The following GPM6B variants were observed in gnomAD, a reference collection of about 807,000 sequenced individuals.
GPM6B encodes glycoprotein M6B.
GPM6B carries 4 observed loss-of-function variants against 27.2 expected under a neutral mutation model. The ratio of observed to expected loss-of-function variants is 0.15; its 90% CI spans 0.07 to 0.34. The LOEUF is 0.34. GPM6B is among the 10% of genes least tolerant of loss of function. GPM6B has a pLI of 1.00. For missense variants in GPM6B, 183 were observed against 261.9 expected (o/e 0.70, Z 2.08); for synonymous variants, 124 against 103.1 (o/e 1.20, Z -1.23).
chrX:13,903,211 C>G (rs185891075), intron 1 of GPM6B, among the ~76,000 whole-genome samples: 1 of 111,641 alleles, frequency 9.0e-6, no homozygotes, highest in East Asian at 2.8e-4. Context: ...CTGTCTCCCA[C>G]GCAGGGTCTC....
rs1389729666 is a variant in GPM6B at position 13,805,614 on chromosome X, T to C, written c.181+2036A>G. Among the ~76,000 whole-genome samples, 4 of 112,513 alleles carry C rather than the reference T, an allele frequency of 3.6e-5. No homozygotes were observed. In the East Asian group the frequency reaches 1.1e-3, roughly 31 times the overall value. On this transcript the variant is annotated intron_variant, in intron 2 of 7. Coordinates refer to ENST00000316715, the MANE Select transcript of GPM6B (RefSeq NM_001001995.3). ...GCTGCTATGAATGCCCAGATTCTGGTGTTTCACCGTAGGATCAAAAGCACA... is the reference window on the plus strand; with the variant it reads ...GCTGCTATGAATGCCCAGATTCTGGCGTTTCACCGTAGGATCAAAAGCACA...
intron 1 of GPM6B, among the ~76,000 whole-genome samples, chrX:13,834,428 C>T (rs1243607717): frequency 8.9e-6 from 1 of 112,368 alleles, no homozygotes; most frequent in African/African-American, 3.2e-5. Context: ...GAGAAGACAA[C>T]ATAAATCTTT....
Position 13,885,584 on chromosome X carries a change from G to A in GPM6B, c.-198+52743C>T, listed in dbSNP as rs181069288. On this transcript the variant is annotated intron_variant, in intron 1 of 6. Transcript: ENST00000398361. The stretch of plus-strand genomic sequence containing the variant: ...TGCTACTTCTGGCCCCTCCTCCTCA[G>A]TGAAATCTTCAGAGGCTGGTGGAGG... Among the ~76,000 whole-genome samples, 123 of 112,094 alleles carry A rather than the reference G, an allele frequency of 1.1e-3. 1 individual carries two copies. Among genetic ancestry groups the A allele is most frequent in the Middle Eastern group, 9.3e-3 (2 of 216 alleles).
intron 2 of GPM6B, among the ~76,000 whole-genome samples, chrX:13,794,200 T>TC (rs751386548): frequency 0.026 from 2,823 of 106,969 alleles, 77 homozygotes; most frequent in African/African-American, 0.08. Flanking sequence ...TTTTTTTTTT[T>TC]CCCAGATACA....
Position 13,879,107 on chromosome X carries a change from A to T in GPM6B, c.-198+59220T>A, listed in dbSNP as rs765176206. Among the ~76,000 whole-genome samples the T allele has an allele frequency of 1.8e-3, 205 of 112,474 alleles. 2 individuals are homozygous for T. Among genetic ancestry groups the T allele is most frequent in the African/African-American group, 6.5e-3 (201 of 30,969 alleles). On this transcript the variant is annotated intron_variant, in intron 1 of 6. Coordinates refer to the GPM6B transcript ENST00000398361. Reference sequence around the variant, plus strand: ...TAGAGCGGCCACAGGAAACAGATACAGCAGGGATATAAGAACAGCCCCACA... The same window carrying T: ...TAGAGCGGCCACAGGAAACAGATACTGCAGGGATATAAGAACAGCCCCACA...
intron 1 of GPM6B, among the ~76,000 whole-genome samples, chrX:13,887,354 A>G (rs1189229624): frequency 1.8e-5 from 2 of 112,047 alleles, no homozygotes; most frequent in East Asian, 5.6e-4. Context: ...ATGGCATACC[A>G]TCTTGATTAC....
At chrX:13,828,345 G>A (rs867945620) in intron 1 of GPM6B, among the ~76,000 whole-genome samples, 7 of 110,627 alleles carry the variant, frequency 6.3e-5, no homozygotes, top group Non-Finnish European at 1.1e-4. Flanking sequence ...ATAAGAAGAG[G>A]AAGAGAGACC....
At chrX:13,922,425 C>T (rs1334472992) in intron 1 of GPM6B, among the ~76,000 whole-genome samples, 5 of 112,015 alleles carry the variant, frequency 4.5e-5, no homozygotes, top group Non-Finnish European at 9.4e-5. Flanking sequence ...ACAAAAAGAA[C>T]CTCGCCTTTG....
chrX:13,798,914 T>C (rs772795424), intron 2 of GPM6B, among the ~76,000 whole-genome samples: 3 of 112,240 alleles, frequency 2.7e-5, no homozygotes, highest in African/African-American at 9.7e-5. Context: ...CTCCCCCGGA[T>C]TGGGAAACAC....
rs184094138 is a variant in GPM6B at position 13,930,684 on chromosome X, T to C, written c.-198+7643A>G. On this transcript the variant is annotated intron_variant, in intron 1 of 6. Transcript: ENST00000398361. ...ATAGATAACAGGATTAAACAGATAA[T>C]ACAAAATATTATGAACAACTTTGTG... Among the ~76,000 whole-genome samples, 287 of 110,419 alleles carry C rather than the reference T, an allele frequency of 2.6e-3. 1 individual carries two copies. Among genetic ancestry groups the C allele is most frequent in the African/African-American group, 8.9e-3 (270 of 30,419 alleles).
chrX:13,863,563 T>C (rs1265355248), intron 1 of GPM6B, among the ~76,000 whole-genome samples: 4 of 111,863 alleles, frequency 3.6e-5, no homozygotes, highest in Non-Finnish European at 7.5e-5. Context: ...GTGTGACCTT[T>C]TTCCACGCTG....
chrX:13,848,980 T>C (rs1233413598), intron 1 of GPM6B, among the ~76,000 whole-genome samples: 1 of 112,103 alleles, frequency 8.9e-6, no homozygotes, highest in Admixed American at 9.5e-5. Context: ...CCCATTTACA[T>C]AAAATGTCCA....
At chrX:13,858,117 T>C (rs1269998499) in intron 1 of GPM6B, among the ~76,000 whole-genome samples, 1 of 112,025 alleles carries the variant, frequency 8.9e-6, no homozygotes, top group Non-Finnish European at 1.9e-5. Flanking sequence ...GTATGAGAGG[T>C]GCTTTTTACA....
intron 2 of GPM6B, among the ~76,000 whole-genome samples, chrX:13,801,780 A>AGC (rs1372014947): frequency 5.4e-5 from 6 of 111,584 alleles, no homozygotes; most frequent in Non-Finnish European, 9.4e-5. Context: ...CTCTCCTACC[A>AGC]GCCTGACATT....
chrX:13,927,048 A>G (rs1009640519), intron 1 of GPM6B, among the ~76,000 whole-genome samples: 11 of 111,892 alleles, frequency 9.8e-5, no homozygotes, highest in African/African-American at 3.2e-4. Flanking sequence ...AGTATACAGA[A>G]GGCATAAAGA....
At chrX:13,779,543 T>A (rs1405791673) in intron 5 of GPM6B, among the ~76,000 whole-genome samples, 2 of 112,055 alleles carry the variant, frequency 1.8e-5, no homozygotes, top group African/African-American at 6.5e-5. Flanking sequence ...TTGATTGAAC[T>A]GCATTATAAA....
At chrX:13,899,269 T>C (rs2050259663) in intron 1 of GPM6B, among the ~76,000 whole-genome samples, 1 of 107,094 alleles carries the variant, frequency 9.3e-6, no homozygotes, top group East Asian at 2.9e-4. Context: ...AAATTAGCCA[T>C]GCGTGGTGGT....
chrX:13,772,861 C>T lies in GPM6B; in HGVS notation c.*20G>A, dbSNP rs759023103. ...TTGTCAGAGCTGTAAATACGTCGGC[C>T]GAAACACTCTGGCAAACATTTATGT... On this transcript the variant is annotated 3_prime_UTR_variant, in exon 8 of 8. Transcript: ENST00000316715. 1.3e-5 allele frequency: 16 copies of T among 1,203,372 alleles called. No individual in the cohort carries two copies. The highest frequency in any genetic ancestry group is 8.8e-5 in the African/African-American group (5 of 57,115).
chrX:13,886,948 C>G (rs780709664), intron 1 of GPM6B, among the ~76,000 whole-genome samples: 3 of 110,345 alleles, frequency 2.7e-5, no homozygotes, highest in Non-Finnish European at 3.8e-5. Flanking sequence ...TCCCGAGTAG[C>G]TGGGACTACA....
Sources: gnomAD v4.1 joint callset for allele counts (sites outside exome capture counted in the v4.1 genomes callset) on GRCh38, gnomAD v4.1.1 for gene constraint, MANE v1.5 for transcripts, NCBI Gene and HGNC (gene_info 2026-07-23, HGNC 2026-07-21) for gene names.